The following LYST variants were observed in gnomAD, a reference collection of about 807,000 sequenced individuals.
The protein encoded by LYST is lysosomal trafficking regulator.
In LYST, 192 loss-of-function variants were observed where a neutral mutation model predicts 413.6. That is an observed-to-expected ratio of 0.46 (90% CI 0.41 to 0.52). The LOEUF is 0.52. Ranked by LOEUF, LYST falls within the 20% of genes least tolerant of loss-of-function variation. The pLI, the probability that LYST is intolerant of heterozygous loss-of-function variation, is 0.00. For missense variants in LYST, 3,815 were observed against 4,499.9 expected (o/e 0.85, Z 4.35); for synonymous variants, 1,525 against 1,567.3 (o/e 0.97, Z 0.64).
chr1:235,692,400 G>A (rs1660732304), intron 47 of LYST, among the ~76,000 whole-genome samples: 1 of 150,776 alleles, frequency 6.6e-6, no homozygotes, highest in African/African-American at 2.4e-5. Flanking sequence ...TTTTTTTTAA[G>A]ATGGAGTCTC....
chr1:235,787,191 G>A lies in LYST; in HGVS notation c.4862+9C>T. On this transcript the variant is annotated intron_variant, in intron 14 of 52. Transcript: ENST00000389793. Reference sequence around the variant, plus strand: ...AGATTGAGATGCATTTTCTCAAAATGCTTCCTACCTCTGTCCAGAGACCCA... The same window carrying A: ...AGATTGAGATGCATTTTCTCAAAATACTTCCTACCTCTGTCCAGAGACCCA... 6.2e-7 allele frequency: 1 copy of A among 1,608,440 alleles called. No individual in the cohort carries two copies. Among genetic ancestry groups the A allele is most frequent in the South Asian group, 1.1e-5 (1 of 90,966 alleles).
rs77265502 is a variant in LYST at position 235,720,550 on chromosome 1, T to C, written c.9560+111A>G. On this transcript the variant is annotated intron_variant, in intron 40 of 52. Transcript: ENST00000389793. ...AGGGTGATAGGTATGTGGGGTCTTATATAATTCTTCTATTTTGTGCATGTT... is the reference window on the plus strand; with the variant it reads ...AGGGTGATAGGTATGTGGGGTCTTACATAATTCTTCTATTTTGTGCATGTT... 6.9e-4 allele frequency: 749 copies of C among 1,080,430 alleles called. 3 individuals carry two copies. The African/African-American group carries it at 0.01, about 15-fold the overall frequency. 66.9% of individuals were successfully genotyped at this position (1,080,430 alleles called of 1,614,324 possible).
At chr1:235,708,020 ATTTTGGAT>A (rs1209485125) in intron 44 of LYST, among the ~76,000 whole-genome samples, 1 of 152,134 alleles carries the variant, frequency 6.6e-6, no homozygotes, top group Non-Finnish European at 1.5e-5. Flanking sequence ...AGCATTTTGA[ATTTTGGAT>A]TTTTGGATTA....
intron 30 of LYST, among the ~76,000 whole-genome samples, chr1:235,741,906 T>C (rs1242494229): frequency 1.3e-5 from 2 of 152,164 alleles, no homozygotes; most frequent in African/African-American, 4.8e-5. Context: ...GGTATATACA[T>C]ACAATGGAAT....
chr1:235,705,805 T>C (rs1661942110), intron 44 of LYST, among the ~76,000 whole-genome samples: 1 of 151,670 alleles, frequency 6.6e-6, no homozygotes, highest in African/African-American at 2.4e-5. Flanking sequence ...TTTATTTTTA[T>C]TTTTTATACA....
intron 45 of LYST, among the ~76,000 whole-genome samples, chr1:235,698,971 C>T (rs977054919): frequency 6.6e-6 from 1 of 152,082 alleles, no homozygotes; most frequent in Non-Finnish European, 1.5e-5. Context: ...AATTCCTTGC[C>T]AGGAATTCAT....
chr1:235,839,625 C>T (rs755654169), intron 1 of LYST: 2 of 150,934 alleles, frequency 1.3e-5, no homozygotes, highest in South Asian at 2.1e-4. Flanking sequence ...GAACCCCCCC[C>T]ACCACGCCCC....
Position 235,662,118 on chromosome 1 carries a change from G to A in LYST, c.*822C>T, listed in dbSNP as rs1329838142. ...TACTGAAGGCTTTCTATTGCAAATTGGTACAGATTCAATGCTCTGTAAATA... is the reference window on the plus strand; with the variant it reads ...TACTGAAGGCTTTCTATTGCAAATTAGTACAGATTCAATGCTCTGTAAATA... On this transcript the variant is annotated 3_prime_UTR_variant, in exon 53 of 53. Transcript: ENST00000389793. 2 of 152,150 alleles carry A rather than the reference G, an allele frequency of 1.3e-5. No individual in the cohort carries two copies. Among genetic ancestry groups the A allele is most frequent in the African/African-American group, 4.8e-5 (2 of 41,428 alleles). 9.4% of individuals were successfully genotyped at this position (152,150 alleles called of 1,614,324 possible). A position where few individuals can be genotyped will look rare whatever the true frequency, so the allele number is the denominator to read the frequency against.
At chr1:235,685,189 C>T (rs531945274) in intron 48 of LYST, among the ~76,000 whole-genome samples, 1 of 152,274 alleles carries the variant, frequency 6.6e-6, no homozygotes, top group South Asian at 2.1e-4. Context: ...TGTAACTTAA[C>T]AGGCTCCCTG....
rs768247031 is a variant in LYST at position 235,791,862 on chromosome 1, C to A, written c.4380G>T (p.Leu1460Phe). Residue 1460 changes from leucine (L) to phenylalanine (F), a missense_variant, in exon 12 of 53, where the codon TTG (leucine) becomes TTT (phenylalanine). Leu to Phe is a conservative substitution (Grantham distance 22). Transcript: ENST00000389793. ...SWHIAPVHLP[L>F]LGQNCWPHLS... ...GGTGTGGCCAGCAGTTTTGCCCCAG[C>A]AACGGCAGGTGGACTGGGGCTATGT... 5 of 1,614,186 alleles carry A rather than the reference C, an allele frequency of 3.1e-6. No individual in the cohort carries two copies. Among genetic ancestry groups the A allele is most frequent in the Non-Finnish European group, 4.2e-6 (5 of 1,180,016 alleles).
intron 1 of LYST, among the ~76,000 whole-genome samples, chr1:235,873,243 G>A (rs1681013876): frequency 6.6e-6 from 1 of 152,160 alleles, no homozygotes; most frequent in African/African-American, 2.4e-5. Flanking sequence ...AAAAACAACT[G>A]AAATTTCCCC....
intron 11 of LYST, 32 bp from the exon 12 acceptor site, chr1:235,792,157 T>C: frequency 7.3e-7 from 1 of 1,365,850 alleles, no homozygotes; most frequent in Non-Finnish European, 1.0e-6. Context: ...TGAAACTTTC[T>C]AATCACGTAA....
intron 21 of LYST, among the ~76,000 whole-genome samples, chr1:235,763,323 C>T (rs1014925894): frequency 6.6e-6 from 1 of 152,142 alleles, no homozygotes; most frequent in African/African-American, 2.4e-5. Context: ...AATCTAAATC[C>T]GAATCATCTT....
At position 235,806,392 on chromosome 1, in the gene LYST, G is replaced by A; in HGVS notation, c.2744C>T (p.Ser915Phe). The change falls in exon 6 of 53, where the codon TCT becomes TTT. Residue 915 changes from serine to phenylalanine, a missense_variant. By Grantham distance (155) the Ser-to-Phe change is radical. Coordinates refer to ENST00000389793, the MANE Select transcript of LYST (RefSeq NM_000081.4). ...AFLCVSKEAE[S>F]DRESANDSED... ...TGAGTCATTGGCCGACTCCCTGTCA[G>A]ACTCTGCTTCTTTACTTACGCATAA... 1 of 1,614,082 alleles carries A rather than the reference G, an allele frequency of 6.2e-7. No individual in the cohort carries two copies. Among genetic ancestry groups the A allele is most frequent in the African/African-American group, 1.3e-5 (1 of 75,024 alleles).
chr1:235,677,281 T>G lies in LYST; in HGVS notation c.10941-93A>C, dbSNP rs552060358. The G allele has an allele frequency of 4.8e-4, 527 of 1,094,270 alleles. 1 individual carries two copies. Among genetic ancestry groups the G allele is most frequent in the Non-Finnish European group, 7.0e-4 (503 of 717,780 alleles). 67.8% of individuals were successfully genotyped at this position (1,094,270 alleles called of 1,614,324 possible). ...TCTTCTTCTCAGTCTATGTACCTAT[T>G]GTACATAAGGCATACATGTTTTCCT... On this transcript the variant is annotated intron_variant, in intron 49 of 52. Coordinates refer to ENST00000389793, the MANE Select transcript of LYST (RefSeq NM_000081.4).
chr1:235,777,161 G>T lies in LYST; in HGVS notation c.5362C>A (p.His1788Asn). 2 of 1,613,598 alleles carry T rather than the reference G, an allele frequency of 1.2e-6. No homozygotes were observed. The highest frequency in any genetic ancestry group is 1.7e-6 in the Non-Finnish European group (2 of 1,179,656). ...KEVQSILLEPHHLKNLQPTEY... is the reference protein window; with the variant it reads ...KEVQSILLEPNHLKNLQPTEY... ...GTAGGTTGGAGATTCTTTAGATGAT[G>T]AGGTTCTAATAAGATGCTCTGAACT... The change falls in exon 17 of 53, where the codon CAT (histidine) becomes AAT (asparagine). Residue 1788 changes from histidine (H) to asparagine (N), a missense_variant. By Grantham distance (68) the His-to-Asn change is moderately conservative. Around this residue, in one of 4 missense-constraint regions of LYST, gnomAD observed 530 missense variants for 696.5 expected, o/e 0.76. Coordinates refer to ENST00000389793, the MANE Select transcript of LYST (RefSeq NM_000081.4).
At chr1:235,844,075 A>G (rs1211270385) in intron 1 of LYST, among the ~76,000 whole-genome samples, 1 of 152,232 alleles carries the variant, frequency 6.6e-6, no homozygotes, top group African/African-American at 2.4e-5. Flanking sequence ...TGCCCAATAA[A>G]TTCTGTTAAA....
At chr1:235,877,172 G>A (rs920672974) in intron 1 of LYST, among the ~76,000 whole-genome samples, 4 of 152,170 alleles carry the variant, frequency 2.6e-5, no homozygotes, top group African/African-American at 9.7e-5. Context: ...CCATATAACC[G>A]AGTGGTTGTA....
chr1:235,762,610 G>T, intron 22 of LYST, 110 bp downstream of exon 22: 1 of 1,105,626 alleles, frequency 9.0e-7, no homozygotes, highest in Non-Finnish European at 1.3e-6. Flanking sequence ...TCTCTTGTTA[G>T]ATTGAATGAG....
Sources: allele counts gnomAD v4.1 joint callset (sites outside exome capture counted in the v4.1 genomes callset), GRCh38; gene constraint gnomAD v4.1.1; regional missense constraint gnomAD v4.1.1; transcripts MANE v1.5; gene names NCBI Gene and HGNC (gene_info 2026-07-23, HGNC 2026-07-21).